Variants in DPP10 observed in about 807,000 individuals in gnomAD.
DPP10 encodes the protein dipeptidyl peptidase like 10.
Under a neutral mutation model 120.9 loss-of-function variants are expected in DPP10, and 33 were observed. The observed-to-expected ratio is 0.27, with a 90% confidence interval of 0.21 to 0.37. The LOEUF (loss-of-function observed/expected upper bound fraction) is 0.37, where lower values mean the gene tolerates loss of function less well. DPP10 is among the 10% of genes least tolerant of loss of function. The pLI is 1.00. For synonymous variants in DPP10, 337 were observed against 326.1 expected, an observed-to-expected ratio of 1.03 and a Z score of -0.36; for missense variants, 816 against 942.8, an observed-to-expected ratio of 0.87 and a Z score of 1.76.
chr2:115,791,377 T>A, intron 19 of DPP10, 21 bp downstream of exon 19: 1 of 1,560,742 alleles, frequency 6.4e-7, no homozygotes. Context: ...TATTTGTTTT[T>A]AAAATAAAGG....
intron 3 of DPP10, among the ~76,000 whole-genome samples, chr2:115,389,004 C>T (rs1300967175): frequency 3.3e-5 from 5 of 152,108 alleles, no homozygotes; most frequent in Non-Finnish European, 7.4e-5. Flanking sequence ...AGTTTTTAGC[C>T]TCTTTAAGGG....
chr2:115,693,005 G>T (rs2091399766), intron 7 of DPP10, among the ~76,000 whole-genome samples: 1 of 152,066 alleles, frequency 6.6e-6, no homozygotes, highest in Admixed American at 6.6e-5. Context: ...TGCATTCACT[G>T]TCCTTTCCAC....
intron 5 of DPP10, among the ~76,000 whole-genome samples, chr2:115,546,310 T>C (rs113189663): frequency 6.6e-6 from 1 of 152,150 alleles, no homozygotes; most frequent in South Asian, 2.1e-4. Flanking sequence ...AAATTACGTA[T>C]GTATACGTAA....
Position 115,343,859 on chromosome 2 carries a change from A to G in DPP10, c.218A>G (p.Asp73Gly). Residue 73 changes from aspartate (D) to glycine (G), a missense_variant, in exon 3 of 26, where the codon GAC becomes GGC. This residue lies in a region of DPP10 where 182 missense variants were observed against 207.4 expected (regional missense o/e 0.88). Coordinates refer to ENST00000410059, the MANE Select transcript of DPP10 (RefSeq NM_020868.6). ...TCAGAAACCAGATTGTCTTTGGAAG[A>G]CCTCTTTAGGAAAGACTTTGTGCTT... Reference protein sequence around the residue: ...NSSETRLSLEDLFRKDFVLHD... With the variant: ...NSSETRLSLEGLFRKDFVLHD... The G allele has an allele frequency of 6.2e-7, 1 of 1,611,988 alleles. No homozygotes were observed. Among genetic ancestry groups the G allele is most frequent in the Non-Finnish European group, 8.5e-7 (1 of 1,178,978 alleles).
intron 1 of DPP10, among the ~76,000 whole-genome samples, chr2:115,095,411 G>GC (rs1709635136): frequency 6.6e-6 from 1 of 152,100 alleles, no homozygotes; most frequent in Non-Finnish European, 1.5e-5. Flanking sequence ...GTTAGTTGGA[G>GC]CAGGTGAGGG....
intron 1 of DPP10, among the ~76,000 whole-genome samples, chr2:114,823,317 A>G (rs1162856534): frequency 1.3e-5 from 2 of 152,142 alleles, no homozygotes; most frequent in Non-Finnish European, 2.9e-5. Context: ...AAACTCTGTC[A>G]TGAGAACAGC....
At chr2:115,618,815 G>A (rs2084721132) in intron 5 of DPP10, among the ~76,000 whole-genome samples, 1 of 152,126 alleles carries the variant, frequency 6.6e-6, no homozygotes, top group East Asian at 2.0e-4. Context: ...GATAGCGGGA[G>A]GAAGTAGAAA....
intron 1 of DPP10, among the ~76,000 whole-genome samples, chr2:114,459,298 C>G (rs545873694): frequency 6.6e-6 from 1 of 152,288 alleles, no homozygotes; most frequent in East Asian, 1.9e-4. Flanking sequence ...TGATCTGGCT[C>G]TTATGCCAGG....
At chr2:115,039,614 C>T (rs1466511326) in intron 1 of DPP10, among the ~76,000 whole-genome samples, 1 of 151,958 alleles carries the variant, frequency 6.6e-6, no homozygotes, top group South Asian at 2.1e-4. Context: ...TCTTGCAGAG[C>T]AGGTGCATTC....
intron 1 of DPP10, among the ~76,000 whole-genome samples, chr2:114,710,638 G>A (rs1387789250): frequency 1.3e-5 from 2 of 152,276 alleles, no homozygotes; most frequent in Non-Finnish European, 2.9e-5. Flanking sequence ...CCAGCTACTT[G>A]GGAGGCTGAG....
At chr2:115,006,532 G>A (rs1186157621) in intron 1 of DPP10, among the ~76,000 whole-genome samples, 1 of 149,472 alleles carries the variant, frequency 6.7e-6, no homozygotes, top group Non-Finnish European at 1.5e-5. Context: ...GATCTACCAA[G>A]CAAATGGAAA....
chr2:115,815,231 C>T (rs558233571), intron 20 of DPP10, among the ~76,000 whole-genome samples: 3 of 152,194 alleles, frequency 2.0e-5, no homozygotes, highest in South Asian at 2.1e-4. Flanking sequence ...AAGTTGGATA[C>T]ATTTTAATTA....
chr2:115,200,018 C>G (rs2055580820), intron 1 of DPP10, among the ~76,000 whole-genome samples: 1 of 152,104 alleles, frequency 6.6e-6, no homozygotes, highest in South Asian at 2.1e-4. Context: ...ATATTCCAAA[C>G]TTAGATTAGA....
chr2:115,760,474 C>T (rs1173867864), intron 11 of DPP10, among the ~76,000 whole-genome samples: 1 of 152,170 alleles, frequency 6.6e-6, no homozygotes, highest in Non-Finnish European at 1.5e-5. Flanking sequence ...GATCCTATAA[C>T]TTGATGGGAT....
Position 114,664,897 on chromosome 2 carries a change from G to C in DPP10, c.60+222059G>C, listed in dbSNP as rs924930827. Among the ~76,000 whole-genome samples, 286 of 144,732 alleles carry C rather than the reference G, an allele frequency of 2.0e-3. 3 individuals carry two copies. The highest frequency in any genetic ancestry group is 7.5e-3 in the African/African-American group (274 of 36,744). 94.9% of individuals were successfully genotyped at this position (144,732 alleles called of 152,430 possible). A position where few individuals can be genotyped will look rare whatever the true frequency, so the allele number is the denominator to read the frequency against. ...GGCATAGAGCATCCAAAAGATGGCA[G>C]AGAGCATCCAAAAGATGGCAGAGAG... On this transcript the variant is annotated intron_variant, in intron 1 of 25. Coordinates refer to ENST00000410059, the MANE Select transcript of DPP10 (RefSeq NM_020868.6).
chr2:115,529,758 A>G (rs886677904), intron 5 of DPP10, among the ~76,000 whole-genome samples: 13 of 152,118 alleles, frequency 8.5e-5, no homozygotes, highest in East Asian at 5.8e-4. Context: ...AATTTTTACT[A>G]TTTGTTTTCA....
At chr2:115,591,697 C>G (rs1243186204) in intron 5 of DPP10, among the ~76,000 whole-genome samples, 4 of 152,132 alleles carry the variant, frequency 2.6e-5, no homozygotes, top group Non-Finnish European at 4.4e-5. Flanking sequence ...TGAAGAAAGT[C>G]ATTGGTAGCT....
chr2:115,760,702 C>T (rs1189416997), intron 11 of DPP10, among the ~76,000 whole-genome samples: 1 of 152,172 alleles, frequency 6.6e-6, no homozygotes, highest in African/African-American at 2.4e-5. Context: ...GAAAATTCAT[C>T]TCTTTCTTTT....
At chr2:115,241,764 TTTA>T (rs1485963492) in intron 1 of DPP10, among the ~76,000 whole-genome samples, 1 of 152,270 alleles carries the variant, frequency 6.6e-6, no homozygotes, top group Non-Finnish European at 1.5e-5. Flanking sequence ...ATGATTTTAA[TTTA>T]TTCTTCATCT....
Sources: allele counts gnomAD v4.1 joint callset (sites outside exome capture counted in the v4.1 genomes callset), GRCh38; gene constraint gnomAD v4.1.1; regional missense constraint gnomAD v4.1.1; transcripts MANE v1.5; gene names NCBI Gene and HGNC (gene_info 2026-07-23, HGNC 2026-07-21).